NACC2: variants seen among roughly 807,000 people sequenced by gnomAD.
NACC2 encodes the protein nucleus accumbens-associated protein 2.
A neutral mutation model predicts 25.1 loss-of-function variants in NACC2; 8 were observed. The observed-to-expected ratio is 0.32, with a 90% CI of 0.19 to 0.57. The LOEUF is 0.57. Among genes scored for constraint, NACC2 ranks in the 20% least tolerant of loss-of-function variants. The pLI is 0.89. For synonymous variants in NACC2, 435 were observed against 294.7 expected (o/e 1.48, Z -4.88); for missense variants, 644 against 650.2 (o/e 0.99, Z 0.10).
rs552820827 is a variant in NACC2, at chr9:136,069,736, C to T, written c.-59-19156G>A. Among the ~76,000 whole-genome samples the T allele has an allele frequency of 4.8e-4, 73 of 151,902 alleles. No individual in the cohort carries two copies. In the South Asian group the frequency reaches 0.014, roughly 30 times the overall value. On this transcript the variant is annotated intron_variant, in intron 1 of 5. Coordinates refer to ENST00000277554, the MANE Select transcript of NACC2 (RefSeq NM_144653.5). The stretch of plus-strand genomic sequence containing the variant: ...TAAAATTATCAGAGATAGAGTAGGA[C>T]GTGACATAATAATTAAAGCATCAAT...
At position 136,023,927 on chromosome 9, in the gene NACC2, G is replaced by C. The variant is rs1289232296; in HGVS notation, c.887-7498C>G. 1.4e-4 allele frequency among the ~76,000 whole-genome samples: 22 copies of C among 152,244 alleles called. 1 individual carries two copies. Among genetic ancestry groups the C allele is most frequent in the Non-Finnish European group, 7.3e-5 (5 of 68,040 alleles). On this transcript the variant is annotated intron_variant, in intron 2 of 5. Coordinates refer to ENST00000277554, the MANE Select transcript of NACC2 (RefSeq NM_144653.5). ...TGTGTACCCACCGCCATACACACGT[G>C]CATGCCCCCAACCACACAAATGCAC...
rs562127955 is a variant in NACC2, at chr9:136,084,350, T to C, written c.-60+10839A>G. On this transcript the variant is annotated intron_variant, in intron 1 of 5. Coordinates refer to ENST00000277554, the MANE Select transcript of NACC2 (RefSeq NM_144653.5). The surrounding 1 kb of genome is among the most constrained non-coding windows in gnomAD (Gnocchi z 5.1). The stretch of plus-strand genomic sequence containing the variant: ...ACCTGGGGCCTTCACCAAAGGCGGG[T>C]TGCTGGAGGGCTGCTTCCGAGACTC... Among the ~76,000 whole-genome samples, 113 of 151,932 alleles carry C rather than the reference T, an allele frequency of 7.4e-4. No homozygotes were observed. The highest frequency in any genetic ancestry group is 2.6e-3 in the African/African-American group (109 of 41,420).
chr9:136,061,061 G>A (rs1389203339), intron 1 of NACC2, among the ~76,000 whole-genome samples: 3 of 152,170 alleles, frequency 2.0e-5, no homozygotes, highest in East Asian at 1.9e-4. Context: ...TGGAACGGAC[G>A]GACGCCCCCT....
In NACC2 at chr9:136,050,377, C is replaced by T; in HGVS notation, c.145G>A (p.Ala49Thr). The change falls in exon 2 of 6, where the codon GCC becomes ACC. Residue 49 changes from alanine (A) to threonine (T), a missense_variant. Physicochemically the swap from Ala to Thr is moderately conservative, Grantham distance 58. Coordinates refer to ENST00000277554, the MANE Select transcript of NACC2 (RefSeq NM_144653.5). ...QAFKAHRAVL[A>T]ASSLYFRDLF... Reference sequence around the variant, plus strand: ...TCGCGGAAGTAGAGGCTGCTGGCGGCCAGCACCGCCCGGTGGGCCTTGAAG... The same window carrying T: ...TCGCGGAAGTAGAGGCTGCTGGCGGTCAGCACCGCCCGGTGGGCCTTGAAG... 1 of 751,472 alleles carries T rather than the reference C, an allele frequency of 1.3e-6. No homozygotes were observed. Among genetic ancestry groups the T allele is most frequent in the Non-Finnish European group, 2.4e-6 (1 of 410,250 alleles). 46.6% of individuals were successfully genotyped at this position (751,472 alleles called of 1,614,324 possible). A position where few individuals can be genotyped will look rare whatever the true frequency, so the allele number is the denominator to read the frequency against.
In NACC2 at chr9:136,049,924, C is replaced by T. The variant is rs1172982421; in HGVS notation, c.598G>A (p.Gly200Ser). ...GCAGCCCCCGCGGCCACCGCCACGC[C>T]GTCCCGGGGCCCCGTCTCCAGCGGG... ...KRPLETGPRD[G>S]VAVAAGAAVA... Residue 200 changes from glycine (G) to serine (S), a missense_variant, in exon 2 of 6, where the codon GGC becomes AGC. Transcript: ENST00000277554. The T allele has an allele frequency of 6.1e-5, 35 of 574,618 alleles. No individual in the cohort carries two copies. The Admixed American group carries it at 9.0e-4, about 15-fold the overall frequency. 35.6% of individuals were successfully genotyped at this position (574,618 alleles called of 1,614,324 possible). A position where few individuals can be genotyped will look rare whatever the true frequency, so the allele number is the denominator to read the frequency against.
intron 2 of NACC2, among the ~76,000 whole-genome samples, chr9:136,034,159 G>A (rs1588565036): frequency 6.6e-6 from 1 of 152,086 alleles, no homozygotes; most frequent in African/African-American, 2.4e-5. Context: ...ACAGACTCCT[G>A]ATACACAGCA....
At chr9:136,093,929 GA>G (rs1185239772) in intron 1 of NACC2, among the ~76,000 whole-genome samples, 1 of 152,222 alleles carries the variant, frequency 6.6e-6, no homozygotes, top group African/African-American at 2.4e-5. Context: ...TCCCACTGGA[GA>G]ACAGGAGGGA....
At chr9:136,021,263 A>G (rs957725517) in intron 2 of NACC2, among the ~76,000 whole-genome samples, 2 of 152,260 alleles carry the variant, frequency 1.3e-5, no homozygotes, top group Non-Finnish European at 2.9e-5. Context: ...GATGGAAATT[A>G]GCACATGAAA....
intron 2 of NACC2, among the ~76,000 whole-genome samples, chr9:136,044,584 G>A (rs1840691390): frequency 6.6e-6 from 1 of 152,134 alleles, no homozygotes; most frequent in African/African-American, 2.4e-5. Flanking sequence ...TGGTGGTGGG[G>A]GGGCTCTAAC....
chr9:136,085,358 AT>A (rs947590114), intron 1 of NACC2, among the ~76,000 whole-genome samples: 1 of 150,888 alleles, frequency 6.6e-6, no homozygotes, highest in Non-Finnish European at 1.5e-5. Flanking sequence ...GTGCACAAAA[AT>A]TTTTTTTAAA....
chr9:136,066,841 A>G (rs1841088810), intron 1 of NACC2, among the ~76,000 whole-genome samples: 1 of 152,226 alleles, frequency 6.6e-6, no homozygotes, highest in Non-Finnish European at 1.5e-5. Flanking sequence ...GCGCTACGCT[A>G]AGCGAAACAT....
At chr9:136,017,549 T>C (rs1196428177) in intron 2 of NACC2, among the ~76,000 whole-genome samples, 4 of 144,064 alleles carry the variant, frequency 2.8e-5, no homozygotes, top group East Asian at 4.6e-4. Flanking sequence ...GGAAGCCTCA[T>C]AGGGCCCACC....
chr9:136,055,539 C>A lies in NACC2; in HGVS notation c.-59-4959G>T, dbSNP rs1840911651. Among the ~76,000 whole-genome samples, 1 of 152,172 alleles carries A rather than the reference C, an allele frequency of 6.6e-6. No homozygotes were observed. Among genetic ancestry groups the A allele is most frequent in the African/African-American group, 2.4e-5 (1 of 41,420 alleles). On this transcript the variant is annotated intron_variant, in intron 1 of 5. Transcript: ENST00000277554. This position sits in a 1 kb window ranked among gnomAD's most constrained non-coding sequence, Gnocchi z 4.9. The stretch of plus-strand genomic sequence containing the variant: ...AGAGTCCCCAGAAACCCTGCCCCCT[C>A]CACCCCTAGATTGTAAAGCACTTTC...
Position 136,030,010 on chromosome 9 carries a change from A to G in NACC2, c.887-13581T>C, listed in dbSNP as rs558945314. Among the ~76,000 whole-genome samples, 12 of 152,306 alleles carry G rather than the reference A, an allele frequency of 7.9e-5. No homozygotes were observed. In the South Asian group the frequency reaches 2.5e-3, roughly 32 times the overall value. On this transcript the variant is annotated intron_variant, in intron 2 of 5. Coordinates refer to ENST00000277554, the MANE Select transcript of NACC2 (RefSeq NM_144653.5). ...TTCTGGCGGGTGAAGCGACACCCCA[A>G]GGATCCTGTGACACACACTGCACCT...
intron 2 of NACC2, among the ~76,000 whole-genome samples, chr9:136,042,985 CACACAG>C (rs1840667052): frequency 6.6e-6 from 1 of 151,546 alleles, no homozygotes; most frequent in South Asian, 2.1e-4. Context: ...TAGACGCAGA[CACACAG>C]ACACAGTGTT....
At chr9:136,069,427 T>C (rs1841124468) in intron 1 of NACC2, among the ~76,000 whole-genome samples, 1 of 151,242 alleles carries the variant, frequency 6.6e-6, no homozygotes, top group East Asian at 1.9e-4. Flanking sequence ...CAGGCACCTG[T>C]AATCTCAGCT....
rs1840231347 is a variant in NACC2 at position 136,018,196 on chromosome 9, G to A, written c.887-1767C>T. On this transcript the variant is annotated intron_variant, in intron 2 of 5. Coordinates refer to ENST00000277554, the MANE Select transcript of NACC2 (RefSeq NM_144653.5). The surrounding 1 kb of genome is among the most constrained non-coding windows in gnomAD (Gnocchi z 4.4). ...CCTGGCCATGCTGTCCCTGTTCCCA[G>A]TCCCTCCATGACCCCCACCTTGGAG... is the stretch of plus-strand genomic sequence containing the variant. Among the ~76,000 whole-genome samples, 1 of 152,148 alleles carries A rather than the reference G, an allele frequency of 6.6e-6. No homozygotes were observed. Among genetic ancestry groups the A allele is most frequent in the Non-Finnish European group, 1.5e-5 (1 of 68,004 alleles).
At position 136,055,196 on chromosome 9, in the gene NACC2, C is replaced by T. The variant is rs940840588; in HGVS notation, c.-59-4616G>A. On this transcript the variant is annotated intron_variant, in intron 1 of 5. Transcript: ENST00000277554. This position sits in a 1 kb window ranked among gnomAD's most constrained non-coding sequence, Gnocchi z 4.9. ...CCTGCCGATGGGTGAGAGGAGCCCG[C>T]GGGGAGGACAGGGGCTCACTGGAAC... is the stretch of plus-strand genomic sequence containing the variant. Among the ~76,000 whole-genome samples, 6 of 152,104 alleles carry T rather than the reference C, an allele frequency of 3.9e-5. No individual in the cohort carries two copies. Among genetic ancestry groups the T allele is most frequent in the African/African-American group, 9.7e-5 (4 of 41,434 alleles).
intron 1 of NACC2, among the ~76,000 whole-genome samples, chr9:136,073,149 C>T (rs1209912652): frequency 1.3e-5 from 2 of 151,890 alleles, no homozygotes; most frequent in East Asian, 1.9e-4. Flanking sequence ...ATTAATTGGC[C>T]GGGTATGGTG....
Sources: gnomAD v4.1 joint callset for allele counts (sites outside exome capture counted in the v4.1 genomes callset) on GRCh38, gnomAD v4.1.1 for gene constraint, Gnocchi (gnomAD v3.1) non-coding constraint, MANE v1.5 for transcripts, NCBI Gene and HGNC (gene_info 2026-07-23, HGNC 2026-07-21) for gene names.